The following AGT variants were observed in gnomAD, a reference collection of about 807,000 sequenced individuals.
The protein encoded by AGT is alpha-1 antiproteinase, antitrypsin.
A neutral mutation model predicts 28.1 loss-of-function variants in AGT; 26 were observed. The ratio of observed to expected loss-of-function variants is 0.92; its 90% CI spans 0.68 to 1.28. The LOEUF (loss-of-function observed/expected upper bound fraction) is 1.28. Ranked by LOEUF, AGT falls within the 50% of genes most tolerant of loss-of-function variation. AGT has a pLI of 0.00. For synonymous variants in AGT, 259 were observed against 259.6 expected, an observed-to-expected ratio of 1.00 and a Z score of 0.02; for missense variants, 596 against 592.3, an observed-to-expected ratio of 1.01 and a Z score of -0.06.
At chr1:230,708,924 G>T (rs538777666) in intron 2 of AGT, among the ~76,000 whole-genome samples, 1 of 152,330 alleles carries the variant, frequency 6.6e-6, no homozygotes, top group South Asian at 2.1e-4. Flanking sequence ...CCCATTTTCT[G>T]GTTCAACACT....
chr1:230,710,581 T>G lies in AGT; in HGVS notation c.243A>C (p.Leu81=). Reference sequence around the variant, plus strand: ...CTTCGGTGTCAAGTTTTGCAGCGACTAGCACCAGCTGGTCCTGTAGGGCCT... The same window carrying G: ...CTTCGGTGTCAAGTTTTGCAGCGACGAGCACCAGCTGGTCCTGTAGGGCCT... ...DEKALQDQLV[L]VAAKLDTEDK... Residue 81 remains leucine, a synonymous_variant, in exon 2 of 5, where the codon CTA becomes CTC. Transcript: ENST00000366667. 6.2e-7 allele frequency: 1 copy of G among 1,614,276 alleles called. No homozygotes were observed.
upstream of AGT, among the ~76,000 whole-genome samples, chr1:230,717,651 A>G (rs144096758): frequency 3.3e-3 from 504 of 152,290 alleles, 4 homozygotes; most frequent in African/African-American, 0.012. Flanking sequence ...GAAAGCAGGA[A>G]GAGGGGTGGA....
chr1:230,718,820 G>C (rs556757061), upstream of AGT, among the ~76,000 whole-genome samples: 2 of 146,938 alleles, frequency 1.4e-5, no homozygotes, highest in East Asian at 4.2e-4. Context: ...TGACCTCCCT[G>C]GCTTAAGTGA....
chr1:230,708,791 A>C (rs79114129), intron 2 of AGT, among the ~76,000 whole-genome samples: 1 of 151,658 alleles, frequency 6.6e-6, no homozygotes, highest in Non-Finnish European at 1.5e-5. Flanking sequence ...CCTTCAAACA[A>C]TCCTCCCTGC....
intron 4 of AGT, among the ~76,000 whole-genome samples, chr1:230,703,535 T>C (rs1310786578): frequency 2.0e-5 from 3 of 151,990 alleles, no homozygotes; most frequent in African/African-American, 7.3e-5. Flanking sequence ...TGACCGTTAA[T>C]TGGCCACAAT....
At chr1:230,730,517 G>C (rs1472911865) in intron 1 of AGT, among the ~76,000 whole-genome samples, 1 of 152,092 alleles carries the variant, frequency 6.6e-6, no homozygotes, top group Non-Finnish European at 1.5e-5. Flanking sequence ...TTGGCTTCAC[G>C]ATACCATCTT....
In AGT at chr1:230,707,058, C is replaced by T. The variant is rs983204384; in HGVS notation, c.830-858G>A. 2.6e-5 allele frequency among the ~76,000 whole-genome samples: 4 copies of T among 152,236 alleles called. No homozygotes were observed. The East Asian group carries it at 7.7e-4, about 29-fold the overall frequency. The stretch of plus-strand genomic sequence containing the variant: ...GCTACTGGGGAGACTCACACAACCT[C>T]GTTGTGATGAATGGATTTGCACACT... On this transcript the variant is annotated intron_variant, in intron 2 of 4. Coordinates refer to ENST00000366667, the MANE Select transcript of AGT (RefSeq NM_001384479.1).
At chr1:230,741,659 C>A (rs1462226856) in intron 1 of AGT, among the ~76,000 whole-genome samples, 2 of 152,166 alleles carry the variant, frequency 1.3e-5, no homozygotes, top group East Asian at 1.9e-4. Flanking sequence ...GAAAGGGAGA[C>A]CCTCACCTGA....
At chr1:230,736,156 A>C (rs1558295788) in intron 1 of AGT, among the ~76,000 whole-genome samples, 1 of 149,498 alleles carries the variant, frequency 6.7e-6, no homozygotes, top group Non-Finnish European at 1.5e-5. Context: ...TTTATGTTTA[A>C]GGCAAAGTTT....
chr1:230,708,671 C>G (rs1663466490), intron 2 of AGT, among the ~76,000 whole-genome samples: 1 of 152,208 alleles, frequency 6.6e-6, no homozygotes, highest in African/African-American at 2.4e-5. Context: ...CTTGACAGAG[C>G]CTCCTCAGTG....
At chr1:230,713,408 CT>C (rs1219544482) in intron 1 of AGT, among the ~76,000 whole-genome samples, 2 of 152,214 alleles carry the variant, frequency 1.3e-5, no homozygotes, top group African/African-American at 4.8e-5. Flanking sequence ...ACCAGGCCCC[CT>C]GACTCTGTCA....
intron 2 of AGT, among the ~76,000 whole-genome samples, chr1:230,709,778 G>T (rs552309128): frequency 6.6e-6 from 1 of 152,350 alleles, no homozygotes; most frequent in Non-Finnish European, 1.5e-5. Context: ...GAAAAAGGAT[G>T]TTGTATAGTC....
chr1:230,744,454 C>A (rs1457521338), intron 1 of AGT, among the ~76,000 whole-genome samples: 4 of 152,124 alleles, frequency 2.6e-5, no homozygotes, highest in African/African-American at 9.7e-5. Context: ...GCTCTGTGGG[C>A]AGACATTGGG....
At chr1:230,743,126 G>T (rs1021791372) in intron 1 of AGT, among the ~76,000 whole-genome samples, 5 of 152,118 alleles carry the variant, frequency 3.3e-5, no homozygotes, top group African/African-American at 1.2e-4. Flanking sequence ...AAGTAGCTGG[G>T]ATTACAGGCA....
rs145082147 is a variant in AGT at position 230,727,911 on chromosome 1, A to C, written c.-30-17058T>G. On this transcript the variant is annotated intron_variant, in intron 1 of 4. Coordinates refer to the AGT transcript ENST00000681269. Reference sequence around the variant, plus strand: ...GACAGGGGAGTTGCAATAGAGAAAGAGTTTTATACACATAGAGCCACCTGA... The same window carrying C: ...GACAGGGGAGTTGCAATAGAGAAAGCGTTTTATACACATAGAGCCACCTGA... 7.8e-3 allele frequency among the ~76,000 whole-genome samples: 1,193 copies of C among 152,310 alleles called. 6 individuals carry two copies. Among genetic ancestry groups the C allele is most frequent in the Non-Finnish European group, 0.012 (805 of 68,024 alleles).
chr1:230,702,883 C>T lies in AGT; in HGVS notation c.*258G>A, dbSNP rs548550117. On this transcript the variant is annotated 3_prime_UTR_variant, in exon 5 of 5. Coordinates refer to ENST00000366667, the MANE Select transcript of AGT (RefSeq NM_001384479.1). ...AAACACTGGTTCTTGCCTCCCCACC[C>T]CCATTCTCTAAAATAAACCCAGCAA... 5 of 529,124 alleles carry T rather than the reference C, an allele frequency of 9.4e-6. No homozygotes were observed. Among genetic ancestry groups the T allele is most frequent in the African/African-American group, 7.6e-5 (4 of 52,860 alleles). 32.8% of individuals were successfully genotyped at this position (529,124 alleles called of 1,614,324 possible).
chr1:230,707,007 G>A (rs905926649), intron 2 of AGT, among the ~76,000 whole-genome samples: 1 of 152,168 alleles, frequency 6.6e-6, no homozygotes, highest in Non-Finnish European at 1.5e-5. Context: ...CCCCGGAAAC[G>A]AGGGCTCCAT....
At chr1:230,713,348 T>C (rs1454486782) in intron 1 of AGT, among the ~76,000 whole-genome samples, 1 of 152,150 alleles carries the variant, frequency 6.6e-6, no homozygotes, top group Non-Finnish European at 1.5e-5. Flanking sequence ...AGAGGTCCAG[T>C]GACTTGTTCA....
chr1:230,745,118 C>A (rs951744332), intron 1 of AGT, among the ~76,000 whole-genome samples: 1 of 152,196 alleles, frequency 6.6e-6, no homozygotes. Flanking sequence ...GCCAGAGGAC[C>A]CCAGTTCCAA....
Sources: allele counts gnomAD v4.1 joint callset (sites outside exome capture counted in the v4.1 genomes callset), GRCh38; gene constraint gnomAD v4.1.1; transcripts MANE v1.5; gene names NCBI Gene and HGNC (gene_info 2026-07-23, HGNC 2026-07-21).